Variants in PLCG2 observed in about 807,000 individuals in gnomAD.
PLCG2 encodes the protein phospholipase C gamma 2.
Under a neutral mutation model 175.6 loss-of-function variants are expected in PLCG2, and 69 were observed. The ratio of observed to expected loss-of-function variants is 0.39; its 90% CI spans 0.32 to 0.48. PLCG2 has a LOEUF of 0.48. Among genes scored for constraint, PLCG2 ranks in the 20% least tolerant of loss-of-function variants. PLCG2 has a pLI of 0.91. For missense variants in PLCG2, 1,798 were observed against 1,650.9 expected, an observed-to-expected ratio of 1.09 and a Z score of -1.54; for synonymous variants, 827 against 624.0, an observed-to-expected ratio of 1.33 and a Z score of -4.85.
At chr16:81,925,852 C>G (rs1910243611) in intron 22 of PLCG2, among the ~76,000 whole-genome samples, 1 of 150,276 alleles carries the variant, frequency 6.7e-6, no homozygotes, top group African/African-American at 2.5e-5. Flanking sequence ...GTGCCATGCA[C>G]TCCAGCCTGG....
At chr16:81,779,893 T>A (rs1271891091) in intron 1 of PLCG2, among the ~76,000 whole-genome samples, 1 of 152,206 alleles carries the variant, frequency 6.6e-6, no homozygotes, top group African/African-American at 2.4e-5. Context: ...GGAGGCGCAG[T>A]CCTTCCCGGA....
At chr16:81,831,428 C>G (rs1299163522) in intron 2 of PLCG2, among the ~76,000 whole-genome samples, 1 of 152,204 alleles carries the variant, frequency 6.6e-6, no homozygotes, top group South Asian at 2.1e-4. Context: ...AGGCACTGCA[C>G]TAAGCACTTG....
In PLCG2 at chr16:81,870,836, T is replaced by A. The variant is rs1271178441; in HGVS notation, c.565-16T>A. On this transcript the variant is annotated splice_polypyrimidine_tract_variant and intron_variant, in intron 6 of 32. Transcript: ENST00000564138. Reference sequence around the variant, plus strand: ...GGACATCAAAAATCATGTGGTCACTTTTTTCATATTTACAGGAAATAGGAG... The same window carrying A: ...GGACATCAAAAATCATGTGGTCACTATTTTCATATTTACAGGAAATAGGAG... 6 of 1,491,892 alleles carry A rather than the reference T, an allele frequency of 4.0e-6. No individual in the cohort carries two copies. Among genetic ancestry groups the A allele is most frequent in the Non-Finnish European group, 5.5e-6 (6 of 1,083,102 alleles). The allele number at this position is 1,491,892 out of a possible 1,614,324, so 92.4% of individuals were successfully genotyped here.
chr16:81,782,556 C>T (rs1368111660), intron 1 of PLCG2, among the ~76,000 whole-genome samples: 1 of 152,208 alleles, frequency 6.6e-6, no homozygotes, highest in South Asian at 2.1e-4. Flanking sequence ...GAATGGTGGA[C>T]TCCAGGGATC....
intron 2 of PLCG2, among the ~76,000 whole-genome samples, chr16:81,765,630 C>G (rs1910133431): frequency 2.3e-5 from 1 of 42,652 alleles, no homozygotes; most frequent in Non-Finnish European, 9.3e-5. Context: ...GACTCGGTCT[C>G]AATAAATAAA....
chr16:81,945,097 G>C (rs116723431), intron 30 of PLCG2, among the ~76,000 whole-genome samples: 1 of 152,190 alleles, frequency 6.6e-6, no homozygotes, highest in Non-Finnish European at 1.5e-5. Context: ...ATTGGGGAGA[G>C]AAAAGGAACA....
At chr16:81,854,414 T>G in intron 2 of PLCG2, 30 bp from the exon 3 acceptor site, 2 of 1,610,048 alleles carry the variant, frequency 1.2e-6, no homozygotes, top group African/African-American at 2.7e-5. Flanking sequence ...AACTCCAGCT[T>G]CTAATTGGCT....
chr16:81,746,708 C>T (rs1909714388), intron 1 of PLCG2, among the ~76,000 whole-genome samples: 1 of 152,192 alleles, frequency 6.6e-6, no homozygotes, highest in African/African-American at 2.4e-5. Context: ...AGTTTAACCT[C>T]CCAAGCATCT....
chr16:81,741,845 A>G (rs1338614825), intron 1 of PLCG2, among the ~76,000 whole-genome samples: 1 of 152,210 alleles, frequency 6.6e-6, no homozygotes, highest in East Asian at 1.9e-4. Flanking sequence ...AGTCATTATC[A>G]TATCCATCAC....
At chr16:81,842,952 T>G in intron 2 of PLCG2, 2 of 66,606 alleles carry the variant, frequency 3.0e-5, no homozygotes, top group African/African-American at 6.0e-5. Flanking sequence ...ACTCAGTGTG[T>G]GGGGGTTTGT....
intron 1 of PLCG2, among the ~76,000 whole-genome samples, chr16:81,744,592 G>T (rs1909666875): frequency 1.2e-5 from 1 of 82,680 alleles, no homozygotes; most frequent in South Asian, 7.2e-4. Context: ...GGATGATAAG[G>T]AGGCAAGTTT....
At chr16:81,813,801 A>G (rs1277669506) in intron 2 of PLCG2, among the ~76,000 whole-genome samples, 1 of 152,192 alleles carries the variant, frequency 6.6e-6, no homozygotes, top group African/African-American at 2.4e-5. Flanking sequence ...GCTTCCTTAC[A>G]GCATGGTGGT....
intron 22 of PLCG2, among the ~76,000 whole-genome samples, chr16:81,926,834 C>G (rs1910294135): frequency 1.3e-5 from 2 of 152,176 alleles, no homozygotes. Context: ...GACTTGTGAT[C>G]TTTGATTAAA....
intron 2 of PLCG2, among the ~76,000 whole-genome samples, chr16:81,756,301 C>T (rs951835750): frequency 4.6e-5 from 7 of 152,212 alleles, no homozygotes; most frequent in Admixed American, 3.9e-4. Flanking sequence ...GCTGCTATGC[C>T]GGGCTATTAT....
intron 2 of PLCG2, among the ~76,000 whole-genome samples, chr16:81,823,692 A>AATT (rs1555509745): frequency 6.9e-6 from 1 of 144,926 alleles, no homozygotes; most frequent in East Asian, 2.1e-4. Context: ...TGCCCAGCTA[A>AATT]TTTTTTTTTT....
intron 2 of PLCG2, among the ~76,000 whole-genome samples, chr16:81,811,540 C>T (rs1416729293): frequency 6.6e-6 from 1 of 152,044 alleles, no homozygotes; most frequent in Non-Finnish European, 1.5e-5. Flanking sequence ...CCCTAACAGG[C>T]CCCAGTGTGT....
At chr16:81,912,805 TCACCTGCAGTGCCCTGCCCCCC>T in intron 19 of PLCG2, 89 bp downstream of exon 19, 1 of 1,416,618 alleles carries the variant, frequency 7.1e-7, no homozygotes, top group East Asian at 2.5e-5. Context: ...AGGTGGAGGC[TCACCTGCAGTGCCCTGCCCCCC>T]CAGCATCAGC....
At chr16:81,770,813 C>T (rs1054142252) in intron 2 of PLCG2, among the ~76,000 whole-genome samples, 2 of 152,142 alleles carry the variant, frequency 1.3e-5, no homozygotes, top group Non-Finnish European at 2.9e-5. Flanking sequence ...TATCCCAGCA[C>T]TTTGCGGGGC....
chr16:81,803,773 C>T (rs1376941666), intron 2 of PLCG2, among the ~76,000 whole-genome samples: 1 of 151,650 alleles, frequency 6.6e-6, no homozygotes, highest in Non-Finnish European at 1.5e-5. Flanking sequence ...CCTCTACCTC[C>T]TGGATTCAAG....
Sources: allele counts gnomAD v4.1 joint callset (sites outside exome capture counted in the v4.1 genomes callset), GRCh38; gene constraint gnomAD v4.1.1; transcripts MANE v1.5; gene names NCBI Gene and HGNC (gene_info 2026-07-23, HGNC 2026-07-21).